The following SESTD1 variants were observed in gnomAD, a reference collection of about 807,000 sequenced individuals.
SESTD1 encodes the protein SEC14 domain and spectrin repeat-containing protein 1.
SESTD1 carries 43 observed loss-of-function variants against 101.7 expected under a neutral mutation model. The ratio of observed to expected loss-of-function variants is 0.42; its 90% CI spans 0.33 to 0.55. The LOEUF (loss-of-function observed/expected upper bound fraction) is 0.55. Among genes scored for constraint, SESTD1 ranks in the 20% least tolerant of loss-of-function variants. The pLI is 0.07. For missense variants in SESTD1, 647 were observed against 815.1 expected, an observed-to-expected ratio of 0.79 and a Z score of 2.51; for synonymous variants, 283 against 286.8, an observed-to-expected ratio of 0.99 and a Z score of 0.13.
intron 1 of SESTD1, among the ~76,000 whole-genome samples, chr2:179,219,166 C>T (rs2046768152): frequency 1.3e-5 from 2 of 152,112 alleles, no homozygotes. Flanking sequence ...TGGGTGCCAT[C>T]AATGAGCTGC....
intron 5 of SESTD1, among the ~76,000 whole-genome samples, chr2:179,153,625 A>C (rs2045571031): frequency 6.6e-6 from 1 of 152,198 alleles, no homozygotes; most frequent in African/African-American, 2.4e-5. Context: ...ATCTCTGAGT[A>C]CCATTTCTCA....
At chr2:179,134,679 T>C (rs1478991089) in intron 9 of SESTD1, among the ~76,000 whole-genome samples, 2 of 152,188 alleles carry the variant, frequency 1.3e-5, no homozygotes, top group Admixed American at 6.5e-5. Context: ...AGAGATCTTC[T>C]TGGGTCCAAT....
chr2:179,153,009 T>C (rs994818671), intron 5 of SESTD1, among the ~76,000 whole-genome samples: 10 of 151,994 alleles, frequency 6.6e-5, no homozygotes, highest in Admixed American at 3.3e-4. Context: ...AAACTTCTGA[T>C]AGGAGGAAGC....
At chr2:179,148,363 T>G (rs1027793478) in intron 7 of SESTD1, among the ~76,000 whole-genome samples, 13 of 152,228 alleles carry the variant, frequency 8.5e-5, no homozygotes, top group African/African-American at 3.1e-4. Context: ...CTTGCTAAAG[T>G]GCTTTTTATC....
intron 17 of SESTD1, 142 bp from the exon 18 acceptor site, chr2:179,110,170 T>A: frequency 2.6e-6 from 2 of 774,734 alleles, no homozygotes; most frequent in Admixed American, 2.9e-5. Flanking sequence ...GTGATCATAC[T>A]GTTTGAGCAG....
rs76625187 is a variant in SESTD1, at chr2:179,190,658, G to T, written c.55+1129C>A. On this transcript the variant is annotated intron_variant, in intron 2 of 17. Coordinates refer to ENST00000428443, the MANE Select transcript of SESTD1 (RefSeq NM_178123.5). ...GCCTCCAACAAAGGCCTAATACCAA[G>T]AATCCATAATGAACTTAATCAATTC... 1.4e-4 allele frequency among the ~76,000 whole-genome samples: 22 copies of T among 152,098 alleles called. No individual in the cohort carries two copies. The South Asian group carries it at 4.4e-3, about 30-fold the overall frequency.
intron 13 of SESTD1, among the ~76,000 whole-genome samples, chr2:179,120,698 AAC>A (rs1378227189): frequency 6.7e-6 from 1 of 149,124 alleles, no homozygotes; most frequent in Non-Finnish European, 1.5e-5. Flanking sequence ...TGGTAAGAGC[AAC>A]ACTGAATGAA....
At position 179,145,876 on chromosome 2, in the gene SESTD1, G is replaced by A. The variant is rs186369610; in HGVS notation, c.637+526C>T. On this transcript the variant is annotated intron_variant, in intron 8 of 17. Transcript: ENST00000428443. ...AAACACAATGTCTGGCACATAAGGA[G>A]TGTTCAATAATTCTCATAGCAACCC... is the stretch of plus-strand genomic sequence containing the variant. 2.0e-3 allele frequency among the ~76,000 whole-genome samples: 308 copies of A among 152,200 alleles called. 1 individual carries two copies. Among genetic ancestry groups the A allele is most frequent in the African/African-American group, 6.9e-3 (286 of 41,540 alleles).
intron 1 of SESTD1, among the ~76,000 whole-genome samples, chr2:179,240,474 T>G (rs1348475317): frequency 1.3e-5 from 2 of 152,122 alleles, no homozygotes; most frequent in African/African-American, 4.8e-5. Context: ...GGACCTAAGA[T>G]TAAGTTTCCC....
chr2:179,168,268 TCTTC>T (rs879767878), intron 5 of SESTD1, among the ~76,000 whole-genome samples: 10 of 152,230 alleles, frequency 6.6e-5, no homozygotes, highest in Non-Finnish European at 1.0e-4. Context: ...ATATATTTTC[TCTTC>T]CTTATTATTT....
At position 179,146,477 on chromosome 2, in the gene SESTD1, T is replaced by G; in HGVS notation, c.582-20A>C. The G allele has an allele frequency of 1.2e-6, 2 of 1,603,588 alleles. No homozygotes were observed. Among genetic ancestry groups the G allele is most frequent in the Non-Finnish European group, 1.7e-6 (2 of 1,175,088 alleles). ...ACAGACCTGGAAAACACCAAAGGAG[T>G]AATTTTCAAAAGGCATATTTCTATC... On this transcript the variant is annotated intron_variant, in intron 7 of 17. Coordinates refer to ENST00000428443, the MANE Select transcript of SESTD1 (RefSeq NM_178123.5).
At chr2:179,188,463 C>T (rs1297721029) in intron 2 of SESTD1, among the ~76,000 whole-genome samples, 1 of 152,124 alleles carries the variant, frequency 6.6e-6, no homozygotes, top group Non-Finnish European at 1.5e-5. Context: ...CACAGCAAAA[C>T]CCCATCTTTA....
chr2:179,154,719 C>T (rs1559117815), intron 5 of SESTD1, among the ~76,000 whole-genome samples: 1 of 152,004 alleles, frequency 6.6e-6, no homozygotes, highest in Non-Finnish European at 1.5e-5. Flanking sequence ...ATAGGACAAA[C>T]AATTTGGTCT....
At position 179,103,514 on chromosome 2, in the gene SESTD1, C is replaced by T. The variant is rs1320452171; in HGVS notation, c.*6385G>A. ...GTCATAGCAGCTTTATTTATAATGG[C>T]CAATCCTGGAAACAGCCCAGGTATC... On this transcript the variant is annotated 3_prime_UTR_variant, in exon 18 of 18. Transcript: ENST00000428443. 6.6e-6 allele frequency: 1 copy of T among 152,040 alleles called. No individual in the cohort carries two copies. The highest frequency in any genetic ancestry group is 1.9e-4 in the East Asian group (1 of 5,176). 9.4% of individuals were successfully genotyped at this position (152,040 alleles called of 1,614,324 possible).
intron 16 of SESTD1, 119 bp from the exon 17 acceptor site, chr2:179,112,964 C>T: frequency 7.4e-7 from 1 of 1,343,204 alleles, no homozygotes; most frequent in East Asian, 2.4e-5. Context: ...TGGAATCAAG[C>T]TCATACAAAT....
chr2:179,130,623 T>TA (rs1050754586), intron 10 of SESTD1, among the ~76,000 whole-genome samples: 2 of 151,750 alleles, frequency 1.3e-5, no homozygotes, highest in South Asian at 2.1e-4. Context: ...TCTTGGCATT[T>TA]AAAAAAAATA....
intron 1 of SESTD1, among the ~76,000 whole-genome samples, chr2:179,255,388 C>T (rs1262547175): frequency 6.6e-6 from 1 of 152,128 alleles, no homozygotes; most frequent in Non-Finnish European, 1.5e-5. Context: ...AGAAAACATA[C>T]GAATGATAAG....
rs977953959 is a variant in SESTD1, at chr2:179,106,413, A to C, written c.*3486T>G. ...ATTAGCAAGTAACTTACAATGTAGTAGAGAATTCTGAACTATTTCTTCAAA... is the reference window on the plus strand; with the variant it reads ...ATTAGCAAGTAACTTACAATGTAGTCGAGAATTCTGAACTATTTCTTCAAA... On this transcript the variant is annotated 3_prime_UTR_variant, in exon 18 of 18. Coordinates refer to ENST00000428443, the MANE Select transcript of SESTD1 (RefSeq NM_178123.5). 5 of 152,188 alleles carry C rather than the reference A, an allele frequency of 3.3e-5. No individual in the cohort carries two copies. Among genetic ancestry groups the C allele is most frequent in the Non-Finnish European group, 7.4e-5 (5 of 68,024 alleles). The allele number at this position is 152,188 out of a possible 1,614,324, so 9.4% of individuals were successfully genotyped here. A position where few individuals can be genotyped will look rare whatever the true frequency, so the allele number is the denominator to read the frequency against.
At position 179,216,119 on chromosome 2, in the gene SESTD1, G is replaced by A. The variant is rs549312643; in HGVS notation, c.-25-24253C>T. On this transcript the variant is annotated intron_variant, in intron 1 of 17. Transcript: ENST00000428443. Reference sequence around the variant, plus strand: ...TCTCACCACTCCTATTCAACACAGCGTTGGAAGTTCTGGCCAGGGCAATTA... The same window carrying A: ...TCTCACCACTCCTATTCAACACAGCATTGGAAGTTCTGGCCAGGGCAATTA... Among the ~76,000 whole-genome samples, 8 of 134,930 alleles carry A rather than the reference G, an allele frequency of 5.9e-5. 2 individuals carry two copies. The highest frequency in any genetic ancestry group is 1.4e-4 in the Admixed American group (2 of 13,862). 88.5% of individuals were successfully genotyped at this position (134,930 alleles called of 152,430 possible).
Sources: gnomAD v4.1 joint callset for allele counts (sites outside exome capture counted in the v4.1 genomes callset) on GRCh38, gnomAD v4.1.1 for gene constraint, MANE v1.5 for transcripts, NCBI Gene and HGNC (gene_info 2026-07-23, HGNC 2026-07-21) for gene names.